Variants in COBL observed in about 807,000 individuals in gnomAD.
The protein encoded by COBL is cordon-bleu WH2 repeat protein, also known as protein cordon-bleu.
Under a neutral mutation model 98.8 loss-of-function variants are expected in COBL, and 51 were observed. The observed-to-expected ratio is 0.52, with a 90% confidence interval of 0.41 to 0.65. The LOEUF is 0.65. COBL is among the 30% of genes least tolerant of loss of function. The pLI, the probability that COBL is intolerant of heterozygous loss-of-function variation, is 0.00. For missense variants in COBL, 1,617 were observed against 1,617.5 expected, an observed-to-expected ratio of 1.00 and a Z score of 0.01; for synonymous variants, 634 against 651.7, an observed-to-expected ratio of 0.97 and a Z score of 0.41.
chr7:51,156,698 TCACACACACACACACACACA>T (rs68039377), intron 5 of COBL: 14 of 170,216 alleles, frequency 8.2e-5, no homozygotes, highest in East Asian at 4.3e-4. Flanking sequence ...AAACCACCCT[TCACACACACACACACACACA>T]CACACACACA....
At position 51,079,932 on chromosome 7, in the gene COBL, T is replaced by C. The variant is rs183025405; in HGVS notation, c.1096+5234A>G. 1.3e-3 allele frequency among the ~76,000 whole-genome samples: 199 copies of C among 152,376 alleles called. 1 individual carries two copies. The highest frequency in any genetic ancestry group is 3.4e-3 in the Middle Eastern group (1 of 294). ...AGCACACAGTTTTCTCCATTTGGCC[T>C]TTGTTCCAGGTAAATGTGGTTTTCA... On this transcript the variant is annotated intron_variant, in intron 7 of 12. Coordinates refer to ENST00000265136, the MANE Select transcript of COBL (RefSeq NM_015198.5).
rs1803657590 is a variant in COBL, at chr7:51,316,767, C to T, written c.-134G>A. The T allele has an allele frequency of 4.2e-6, 3 of 708,030 alleles. No homozygotes were observed. Among genetic ancestry groups the T allele is most frequent in the Non-Finnish European group, 5.7e-6 (3 of 522,236 alleles). 43.9% of individuals were successfully genotyped at this position (708,030 alleles called of 1,614,324 possible). On this transcript the variant is annotated 5_prime_UTR_variant, in exon 1 of 13. Coordinates refer to ENST00000265136, the MANE Select transcript of COBL (RefSeq NM_015198.5). The stretch of plus-strand genomic sequence containing the variant: ...TCCTCCCACGCGGGCCGGCGGAGGA[C>T]AGCGGCGGAGCGCGGCGGACGGAAG...
At chr7:51,203,808 T>C (rs1791397088) in intron 2 of COBL, among the ~76,000 whole-genome samples, 1 of 152,238 alleles carries the variant, frequency 6.6e-6, no homozygotes, top group South Asian at 2.1e-4. Context: ...CAAGGAATAA[T>C]TGATACTAGT....
At chr7:51,198,258 C>T (rs974055257) in intron 2 of COBL, among the ~76,000 whole-genome samples, 1 of 152,114 alleles carries the variant, frequency 6.6e-6, no homozygotes, top group African/African-American at 2.4e-5. Flanking sequence ...TTCTCCTTTG[C>T]TTATGAAGCT....
chr7:51,055,759 G>A (rs573786125), intron 7 of COBL, among the ~76,000 whole-genome samples: 46 of 152,292 alleles, frequency 3.0e-4, no homozygotes, highest in Admixed American at 2.6e-3. Flanking sequence ...CCCTCACTGG[G>A]CTGCAGGTGA....
At chr7:51,019,962 C>T (rs1382069812) in intron 12 of COBL, among the ~76,000 whole-genome samples, 1 of 152,194 alleles carries the variant, frequency 6.6e-6, no homozygotes, top group African/African-American at 2.4e-5. Context: ...CCTCCTGTTA[C>T]TGTCACATGT....
At chr7:51,172,647 A>G in intron 5 of COBL, 1 of 518,706 alleles carries the variant, frequency 1.9e-6, no homozygotes. Context: ...CAAACCCTTC[A>G]CTTAATAGGT....
At chr7:51,069,478 C>T (rs1792293980) in intron 7 of COBL, among the ~76,000 whole-genome samples, 1 of 152,234 alleles carries the variant, frequency 6.6e-6, no homozygotes, top group African/African-American at 2.4e-5. Context: ...TGGCAAGTGC[C>T]GGCCTGTGCT....
chr7:51,177,345 C>CTTAA (rs1788470896), intron 5 of COBL, among the ~76,000 whole-genome samples: 1 of 152,260 alleles, frequency 6.6e-6, no homozygotes, highest in African/African-American at 2.4e-5. Flanking sequence ...TTGCTTACTT[C>CTTAA]TTAAGACTTT....
intron 5 of COBL, chr7:51,172,439 G>A: frequency 7.8e-7 from 1 of 1,279,444 alleles, no homozygotes; most frequent in Non-Finnish European, 1.0e-6. Flanking sequence ...AGCACCTGCT[G>A]GGGCATTAGT....
chr7:51,063,134 CTCTCT>C (rs1465642886), intron 7 of COBL, among the ~76,000 whole-genome samples: 13 of 88,524 alleles, frequency 1.5e-4, no homozygotes, highest in African/African-American at 2.9e-4. Flanking sequence ...AACATTTTCT[CTCTCT>C]TTTTTTTTTT....
chr7:51,062,668 A>C (rs1317588265), intron 7 of COBL, among the ~76,000 whole-genome samples: 1 of 152,186 alleles, frequency 6.6e-6, no homozygotes, highest in Non-Finnish European at 1.5e-5. Flanking sequence ...GCTGATCTGC[A>C]GGGGCTGGAG....
At chr7:51,206,503 A>AAAAAAAG in intron 2 of COBL, among the ~76,000 whole-genome samples, 1 of 152,038 alleles carries the variant, frequency 6.6e-6, no homozygotes, top group African/African-American at 2.4e-5. Context: ...AAAAAAAAAA[A>AAAAAAAG]AAAGAAAGAA....
intron 1 of COBL, among the ~76,000 whole-genome samples, chr7:51,258,678 C>T (rs1797415206): frequency 6.6e-6 from 1 of 152,186 alleles, no homozygotes; most frequent in Non-Finnish European, 1.5e-5. Flanking sequence ...AAAAAATTTA[C>T]TGCAGTGTGG....
chr7:51,165,283 C>T (rs1787195247), intron 5 of COBL, among the ~76,000 whole-genome samples: 1 of 151,900 alleles, frequency 6.6e-6, no homozygotes, highest in South Asian at 2.1e-4. Flanking sequence ...AAAGATATTC[C>T]ATGCCAATGG....
At chr7:51,144,958 T>C (rs942639339) in intron 5 of COBL, among the ~76,000 whole-genome samples, 29 of 152,258 alleles carry the variant, frequency 1.9e-4, no homozygotes, top group Non-Finnish European at 8.8e-5. Flanking sequence ...GAATTGTTTC[T>C]ACTTTTTGGC....
intron 6 of COBL, among the ~76,000 whole-genome samples, chr7:51,097,484 T>A (rs915217413): frequency 6.6e-6 from 1 of 152,190 alleles, no homozygotes; most frequent in Non-Finnish European, 1.5e-5. Flanking sequence ...ATAAGGCATC[T>A]AAATTGAAAA....
intron 2 of COBL, among the ~76,000 whole-genome samples, chr7:51,194,019 G>C (rs1790368835): frequency 6.6e-6 from 1 of 152,100 alleles, no homozygotes; most frequent in Admixed American, 6.5e-5. Context: ...CTTGTGTCAT[G>C]GGGGCTTGTT....
intron 5 of COBL, among the ~76,000 whole-genome samples, chr7:51,177,632 C>T (rs888325040): frequency 9.9e-5 from 15 of 151,550 alleles, no homozygotes; most frequent in African/African-American, 3.6e-4. Context: ...AATTAGCCAG[C>T]CATGGTAGCA....
Sources: gnomAD v4.1 joint callset for allele counts (sites outside exome capture counted in the v4.1 genomes callset) on GRCh38, gnomAD v4.1.1 for gene constraint, MANE v1.5 for transcripts, NCBI Gene and HGNC (gene_info 2026-07-23, HGNC 2026-07-21) for gene names.